The following DPYD variants were observed in gnomAD, a reference collection of about 807,000 sequenced individuals.
The protein encoded by DPYD is dihydropyrimidine dehydrogenase, also known as dihydropyrimidine dehydrogenase [NADP(+)].
A neutral mutation model predicts 116.2 loss-of-function variants in DPYD; 109 were observed. That is an observed-to-expected ratio of 0.94 (90% CI 0.80 to 1.10). The LOEUF (loss-of-function observed/expected upper bound fraction) is 1.10. Among genes scored for constraint, DPYD ranks in the 50% least tolerant of loss-of-function variants. The pLI is 0.00. For missense variants in DPYD, 1,302 were observed against 1,254.5 expected (o/e 1.04, Z -0.57); for synonymous variants, 440 against 432.0 (o/e 1.02, Z -0.23).
At chr1:97,810,547 C>A (rs1228335386) in intron 3 of DPYD, among the ~76,000 whole-genome samples, 1 of 152,010 alleles carries the variant, frequency 6.6e-6, no homozygotes, top group East Asian at 1.9e-4. Flanking sequence ...ACACCAGAGA[C>A]CTGACTGTTA....
At chr1:97,198,747 G>T (rs1036282097) in intron 19 of DPYD, among the ~76,000 whole-genome samples, 20 of 152,232 alleles carry the variant, frequency 1.3e-4, no homozygotes, top group Admixed American at 6.5e-5. Flanking sequence ...GTGAAGGCTG[G>T]TTTATCTTTC....
intron 18 of DPYD, among the ~76,000 whole-genome samples, chr1:97,259,771 T>C (rs1663755938): frequency 1.3e-5 from 2 of 152,268 alleles, no homozygotes; most frequent in Non-Finnish European, 1.5e-5. Context: ...AAGAATTTCA[T>C]TTCTTGCTTT....
At chr1:97,632,583 C>G (rs1161148849) in intron 8 of DPYD, among the ~76,000 whole-genome samples, 1 of 152,106 alleles carries the variant, frequency 6.6e-6, no homozygotes, top group African/African-American at 2.4e-5. Flanking sequence ...ATGTACATTG[C>G]TATTCATCAA....
chr1:97,306,045 C>T, intron 17 of DPYD, 132 bp downstream of exon 17: 1 of 1,427,016 alleles, frequency 7.0e-7, no homozygotes, highest in Non-Finnish European at 9.7e-7. Flanking sequence ...GGATCAAGTG[C>T]TCAACTGGAA....
rs570745183 is a variant in DPYD, at chr1:97,191,724, T to C, written c.2622+1345A>G. ...ACCACCCAAATTTGAGACAATGATTTTATAGATGGTCATAAACTATCATGT... is the reference window on the plus strand; with the variant it reads ...ACCACCCAAATTTGAGACAATGATTCTATAGATGGTCATAAACTATCATGT... On this transcript the variant is annotated intron_variant, in intron 20 of 22. Coordinates refer to ENST00000370192, the MANE Select transcript of DPYD (RefSeq NM_000110.4). Among the ~76,000 whole-genome samples, 104 of 152,264 alleles carry C rather than the reference T, an allele frequency of 6.8e-4. No homozygotes were observed. The Middle Eastern group carries it at 0.014, about 20-fold the overall frequency.
chr1:97,794,795 G>A (rs767517162), intron 3 of DPYD, among the ~76,000 whole-genome samples: 1 of 152,124 alleles, frequency 6.6e-6, no homozygotes, highest in Non-Finnish European at 1.5e-5. Flanking sequence ...TCAGGGCAGG[G>A]TACATAGATT....
At position 97,814,930 on chromosome 1, in the gene DPYD, G is replaced by GA. The variant is rs1553245539; in HGVS notation, c.233+13183dup. Among the ~76,000 whole-genome samples the GA allele has an allele frequency of 6.3e-3, 692 of 109,746 alleles. 14 individuals carry two copies. Among genetic ancestry groups the GA allele is most frequent in the African/African-American group, 0.021 (648 of 30,920 alleles). 72.0% of individuals were successfully genotyped at this position (109,746 alleles called of 152,430 possible). ...AAAAAAAAAAAAAAAAAGAAAGAGA[G>GA]AGGAAAGAAAGAAAGAAAGAAAGAA... On this transcript the variant is annotated intron_variant, in intron 3 of 22. Transcript: ENST00000370192.
intron 8 of DPYD, among the ~76,000 whole-genome samples, chr1:97,624,664 C>G (rs1557844413): frequency 6.6e-6 from 1 of 151,836 alleles, no homozygotes; most frequent in Non-Finnish European, 1.5e-5. Flanking sequence ...TGTCTGCACC[C>G]CCATGTTTAT....
intron 12 of DPYD, 151 bp from the exon 13 acceptor site, chr1:97,516,092 G>A: frequency 1.3e-6 from 1 of 751,190 alleles, no homozygotes; most frequent in East Asian, 2.7e-5. Context: ...AAGTCAGTGA[G>A]CAGTGAACTG....
intron 13 of DPYD, among the ~76,000 whole-genome samples, chr1:97,495,118 T>G (rs928585183): frequency 3.3e-5 from 5 of 152,128 alleles, no homozygotes; most frequent in African/African-American, 1.2e-4. Context: ...ATGTTAAGGC[T>G]TCTGTTATTG....
At chr1:97,790,337 G>A (rs557042023) in intron 3 of DPYD, among the ~76,000 whole-genome samples, 3 of 152,246 alleles carry the variant, frequency 2.0e-5, no homozygotes, top group African/African-American at 7.2e-5. Flanking sequence ...AAGAAAGAGA[G>A]GAATGATACT....
intron 3 of DPYD, among the ~76,000 whole-genome samples, chr1:97,747,165 T>G (rs998053149): frequency 6.6e-6 from 1 of 152,174 alleles, no homozygotes; most frequent in African/African-American, 2.4e-5. Context: ...AATTAAATAT[T>G]AGCTATTCAC....
At chr1:97,561,737 C>T (rs1263985492) in intron 11 of DPYD, among the ~76,000 whole-genome samples, 5 of 152,120 alleles carry the variant, frequency 3.3e-5, no homozygotes, top group South Asian at 2.1e-4. Context: ...TCTATTATTT[C>T]GCATATACCT....
chr1:97,090,870 T>A (rs1189915719), intron 21 of DPYD, among the ~76,000 whole-genome samples: 4 of 152,204 alleles, frequency 2.6e-5, no homozygotes, highest in East Asian at 1.9e-4. Flanking sequence ...TCTGTTTTTT[T>A]GAATCTCCTG....
intron 1 of DPYD, 128 bp from the exon 2 acceptor site, chr1:97,883,502 AG>A: frequency 1.4e-6 from 1 of 730,454 alleles, no homozygotes. Flanking sequence ...GCTGGAGTGC[AG>A]TGGTACAATC....
At chr1:97,417,254 A>C (rs1039027887) in intron 14 of DPYD, among the ~76,000 whole-genome samples, 2 of 152,092 alleles carry the variant, frequency 1.3e-5, no homozygotes, top group Non-Finnish European at 2.9e-5. Context: ...GTCTTAGTGA[A>C]TTGTTGAGTT....
At chr1:97,772,290 G>A (rs555382998) in intron 3 of DPYD, among the ~76,000 whole-genome samples, 1 of 152,276 alleles carries the variant, frequency 6.6e-6, no homozygotes, top group African/African-American at 2.4e-5. Context: ...TACAGCAGGG[G>A]ATGAGTCAAA....
At chr1:97,443,021 G>A (rs1675885129) in intron 14 of DPYD, among the ~76,000 whole-genome samples, 1 of 152,136 alleles carries the variant, frequency 6.6e-6, no homozygotes, top group Non-Finnish European at 1.5e-5. Context: ...AACTATCTCT[G>A]AGGGTCACAC....
chr1:97,529,701 CT>C (rs989424948), intron 12 of DPYD, among the ~76,000 whole-genome samples: 1 of 133,022 alleles, frequency 7.5e-6, no homozygotes, highest in Non-Finnish European at 1.6e-5. Flanking sequence ...TCTTTCCTTT[CT>C]TTTTTCTTTC....
Sources: gnomAD v4.1 joint callset for allele counts (sites outside exome capture counted in the v4.1 genomes callset) on GRCh38, gnomAD v4.1.1 for gene constraint, MANE v1.5 for transcripts, NCBI Gene and HGNC (gene_info 2026-07-23, HGNC 2026-07-21) for gene names.